SGCZ: variants seen among roughly 807,000 people sequenced by gnomAD.
SGCZ encodes zeta-sarcoglycan.
A neutral mutation model predicts 41.3 loss-of-function variants in SGCZ; 40 were observed. The ratio of observed to expected loss-of-function variants is 0.97; its 90% CI spans 0.75 to 1.26. The LOEUF (loss-of-function observed/expected upper bound fraction) is 1.26. Ranked by LOEUF, SGCZ falls within the 50% of genes most tolerant of loss-of-function variation. The pLI, the probability that SGCZ is intolerant of heterozygous loss-of-function variation, is 0.00. For missense variants in SGCZ, 552 were observed against 369.8 expected (o/e 1.49, Z -4.04); for synonymous variants, 206 against 137.5 (o/e 1.50, Z -3.49).
chr8:14,894,571 A>G (rs1417736288), intron 1 of SGCZ, among the ~76,000 whole-genome samples: 1 of 152,156 alleles, frequency 6.6e-6, no homozygotes, highest in Non-Finnish European at 1.5e-5. Flanking sequence ...TCAGATGATC[A>G]CTGGGCCTCT....
At chr8:15,154,770 A>C (rs1799281716) in intron 1 of SGCZ, among the ~76,000 whole-genome samples, 1 of 152,256 alleles carries the variant, frequency 6.6e-6, no homozygotes, top group Admixed American at 6.5e-5. Context: ...TGAGACAGTC[A>C]GTCAAGACTC....
intron 1 of SGCZ, among the ~76,000 whole-genome samples, chr8:14,832,987 G>C (rs545851805): frequency 6.6e-6 from 1 of 151,730 alleles, no homozygotes; most frequent in Admixed American, 6.6e-5. Context: ...TTAATAGTTT[G>C]ATCATTCCTT....
rs577719499 is a variant in SGCZ, at chr8:14,771,421, C to A, written c.40-216495G>T. Among the ~76,000 whole-genome samples the A allele has an allele frequency of 2.6e-4, 40 of 152,146 alleles. 1 individual carries two copies. The highest frequency in any genetic ancestry group is 8.9e-4 in the African/African-American group (37 of 41,536). On this transcript the variant is annotated intron_variant, in intron 1 of 7. Coordinates refer to ENST00000382080, the MANE Select transcript of SGCZ (RefSeq NM_139167.4). ...GAGCTTCACATGGCTAAAAACATCT[C>A]CCTTAACTGTACTTTCAATTACAGA...
chr8:14,421,980 A>G (rs1387693563), intron 2 of SGCZ, among the ~76,000 whole-genome samples: 1 of 152,150 alleles, frequency 6.6e-6, no homozygotes, highest in Non-Finnish European at 1.5e-5. Flanking sequence ...ATAGAGCAAT[A>G]CAAGATTTTT....
chr8:14,375,810 A>C (rs1320093686), intron 2 of SGCZ, among the ~76,000 whole-genome samples: 1 of 152,210 alleles, frequency 6.6e-6, no homozygotes, highest in Non-Finnish European at 1.5e-5. Context: ...AATTAAAATC[A>C]GAAGCAGAAC....
intron 1 of SGCZ, among the ~76,000 whole-genome samples, chr8:14,657,101 A>T (rs1174596049): frequency 6.6e-6 from 1 of 152,044 alleles, no homozygotes; most frequent in Non-Finnish European, 1.5e-5. Flanking sequence ...TAAATTAATG[A>T]GGTTTGTAAA....
intron 2 of SGCZ, among the ~76,000 whole-genome samples, chr8:14,366,464 A>C (rs957540447): frequency 6.6e-6 from 1 of 152,118 alleles, no homozygotes; most frequent in Non-Finnish European, 1.5e-5. Flanking sequence ...GTCTCTTTCT[A>C]AACACCTGTG....
intron 1 of SGCZ, among the ~76,000 whole-genome samples, chr8:15,065,585 C>G (rs116764096): frequency 0.011 from 1,628 of 151,924 alleles, 26 homozygotes; most frequent in African/African-American, 0.035. Flanking sequence ...GATGGGAGTA[C>G]AGGGGTGCAC....
At chr8:14,731,542 A>G (rs538769212) in intron 1 of SGCZ, among the ~76,000 whole-genome samples, 1 of 152,156 alleles carries the variant, frequency 6.6e-6, no homozygotes, top group Admixed American at 6.5e-5. Context: ...AATAAAAATA[A>G]TTTTTAAAAA....
At chr8:15,028,182 A>G (rs963596396) in intron 1 of SGCZ, among the ~76,000 whole-genome samples, 4 of 152,136 alleles carry the variant, frequency 2.6e-5, no homozygotes, top group African/African-American at 9.6e-5. Context: ...TCATTATAAG[A>G]AAGTTTTCAT....
At chr8:14,777,465 G>A (rs764453501) in intron 1 of SGCZ, among the ~76,000 whole-genome samples, 6 of 152,100 alleles carry the variant, frequency 3.9e-5, no homozygotes, top group African/African-American at 4.8e-5. Context: ...ATTAAAATTC[G>A]TTTCATTAAT....
chr8:15,099,841 G>A (rs560326665), intron 1 of SGCZ, among the ~76,000 whole-genome samples: 1 of 151,910 alleles, frequency 6.6e-6, no homozygotes, highest in East Asian at 1.9e-4. Flanking sequence ...ACAGGCTAAA[G>A]AGGAAAAATT....
At chr8:15,021,887 T>C (rs1563444313) in intron 1 of SGCZ, among the ~76,000 whole-genome samples, 1 of 152,226 alleles carries the variant, frequency 6.6e-6, no homozygotes, top group Non-Finnish European at 1.5e-5. Flanking sequence ...TTCTTAGAAT[T>C]ACTGAAATAT....
chr8:14,859,880 A>C (rs1803661282), intron 1 of SGCZ, among the ~76,000 whole-genome samples: 1 of 152,226 alleles, frequency 6.6e-6, no homozygotes, highest in African/African-American at 2.4e-5. Flanking sequence ...CCTGGCATAT[A>C]GTAGACACTT....
intron 3 of SGCZ, among the ~76,000 whole-genome samples, chr8:14,243,612 C>T (rs541806666): frequency 1.3e-5 from 2 of 152,256 alleles, no homozygotes; most frequent in Admixed American, 6.5e-5. Context: ...ACCTCACTTC[C>T]GTCATTTAAG....
At chr8:15,233,658 C>T (rs748625419) in intron 1 of SGCZ, among the ~76,000 whole-genome samples, 1 of 152,018 alleles carries the variant, frequency 6.6e-6, no homozygotes, top group Non-Finnish European at 1.5e-5. Flanking sequence ...ATTTAATAAA[C>T]TCAAATAAGT....
At chr8:15,031,557 G>C (rs1248877894) in intron 1 of SGCZ, among the ~76,000 whole-genome samples, 1 of 152,162 alleles carries the variant, frequency 6.6e-6, no homozygotes, top group Non-Finnish European at 1.5e-5. Context: ...ACAACCCTGT[G>C]AGGTGGAAAC....
intron 1 of SGCZ, among the ~76,000 whole-genome samples, chr8:14,739,220 G>A (rs1382189986): frequency 1.3e-5 from 2 of 151,908 alleles, no homozygotes; most frequent in Non-Finnish European, 2.9e-5. Context: ...TTATGATAAA[G>A]GGCTGGTTCA....
At chr8:14,527,917 G>A (rs755001148) in intron 2 of SGCZ, among the ~76,000 whole-genome samples, 2 of 151,950 alleles carry the variant, frequency 1.3e-5, no homozygotes, top group Non-Finnish European at 2.9e-5. Flanking sequence ...TGGGAGGTGG[G>A]GGAGTAATAC....
Sources: gnomAD v4.1 joint callset for allele counts (sites outside exome capture counted in the v4.1 genomes callset) on GRCh38, gnomAD v4.1.1 for gene constraint, MANE v1.5 for transcripts, NCBI Gene and HGNC (gene_info 2026-07-23, HGNC 2026-07-21) for gene names.